TANGO6: variants seen among roughly 807,000 people sequenced by gnomAD.
TANGO6 encodes transport and golgi organization 6 homolog, also known as transport and Golgi organization protein 6 homolog.
TANGO6 carries 90 observed loss-of-function variants against 114.2 expected under a neutral mutation model. The observed-to-expected ratio is 0.79, with a 90% CI of 0.66 to 0.94. The LOEUF (loss-of-function observed/expected upper bound fraction) is 0.94, where lower values mean the gene tolerates loss of function less well. Ranked by LOEUF, TANGO6 falls within the 40% of genes least tolerant of loss-of-function variation. TANGO6 has a pLI of 0.00. For missense variants in TANGO6, 1,274 were observed against 1,315.3 expected, an observed-to-expected ratio of 0.97 and a Z score of 0.49; for synonymous variants, 477 against 509.8, an observed-to-expected ratio of 0.94 and a Z score of 0.87.
intron 12 of TANGO6, among the ~76,000 whole-genome samples, chr16:68,925,261 G>C (rs1206972874): frequency 6.6e-6 from 1 of 152,164 alleles, no homozygotes; most frequent in African/African-American, 2.4e-5. Flanking sequence ...AGTGAGCCAA[G>C]ATTGTGCCAT....
At chr16:69,022,790 T>G in intron 15 of TANGO6, 38 bp from the exon 16 acceptor site, 1 of 1,542,074 alleles carries the variant, frequency 6.5e-7, no homozygotes, top group East Asian at 2.4e-5. Flanking sequence ...GTTGAAATTT[T>G]GTTTTAAGGG....
At chr16:68,935,807 T>G (rs1963293962) in intron 14 of TANGO6, among the ~76,000 whole-genome samples, 1 of 152,180 alleles carries the variant, frequency 6.6e-6, no homozygotes, top group African/African-American at 2.4e-5. Context: ...ATTCTCAATG[T>G]TTTTAAAAAA....
intron 14 of TANGO6, among the ~76,000 whole-genome samples, chr16:68,942,948 G>A (rs562303986): frequency 6.8e-6 from 1 of 146,328 alleles, no homozygotes; most frequent in South Asian, 2.2e-4. Context: ...CACCCAGGCT[G>A]AAGTGCAGTG....
chr16:68,954,644 G>A (rs1234513019), intron 14 of TANGO6, among the ~76,000 whole-genome samples: 1 of 152,190 alleles, frequency 6.6e-6, no homozygotes, highest in Non-Finnish European at 1.5e-5. Flanking sequence ...GGAGAATTCA[G>A]TCTCTCCTTA....
intron 15 of TANGO6, among the ~76,000 whole-genome samples, chr16:68,977,705 A>T (rs952222974): frequency 1.3e-5 from 2 of 151,154 alleles, no homozygotes; most frequent in African/African-American, 4.9e-5. Context: ...TCCGTCTCAA[A>T]AAAAAAAAGA....
chr16:69,065,667 C>T (rs1176120768), intron 17 of TANGO6, among the ~76,000 whole-genome samples: 2 of 152,104 alleles, frequency 1.3e-5, no homozygotes, highest in African/African-American at 4.8e-5. Context: ...AATAATAATG[C>T]CACTGTGAAC....
At chr16:68,977,780 G>A (rs1170315389) in intron 15 of TANGO6, among the ~76,000 whole-genome samples, 1 of 150,730 alleles carries the variant, frequency 6.6e-6, no homozygotes, top group Non-Finnish European at 1.5e-5. Flanking sequence ...CTGCCTCCTG[G>A]GTTCAAGCGA....
At chr16:69,052,420 C>A (rs191708910) in intron 17 of TANGO6, among the ~76,000 whole-genome samples, 1 of 151,898 alleles carries the variant, frequency 6.6e-6, no homozygotes, top group Non-Finnish European at 1.5e-5. Flanking sequence ...AAGCACACAC[C>A]ACCACACCCA....
chr16:69,070,112 GCAGGAGAATCACTTGAACCC>G (rs1042899632), intron 17 of TANGO6, among the ~76,000 whole-genome samples: 10 of 151,796 alleles, frequency 6.6e-5, no homozygotes, highest in Non-Finnish European at 4.4e-5. Flanking sequence ...GGAGGCTGAG[GCAGGAGAATCACTTGAACCC>G]AGGAAGCGGA....
At chr16:69,018,379 A>G (rs1959341351) in intron 15 of TANGO6, among the ~76,000 whole-genome samples, 1 of 148,034 alleles carries the variant, frequency 6.8e-6, no homozygotes, top group Non-Finnish European at 1.5e-5. Context: ...CAATCTCCTG[A>G]CCTCGTGATC....
At chr16:68,849,180 C>T (rs1290469143) in intron 1 of TANGO6, among the ~76,000 whole-genome samples, 1 of 152,082 alleles carries the variant, frequency 6.6e-6, no homozygotes, top group African/African-American at 2.4e-5. Context: ...ACTAAAAATA[C>T]AAAAATTAGC....
intron 1 of TANGO6, among the ~76,000 whole-genome samples, chr16:68,849,859 T>G (rs1961873725): frequency 6.6e-6 from 1 of 152,258 alleles, no homozygotes; most frequent in Middle Eastern, 3.4e-3. Flanking sequence ...TTTGAAATTA[T>G]GAAGCTGACA....
At chr16:69,070,692 A>G (rs1165772835) in intron 17 of TANGO6, among the ~76,000 whole-genome samples, 2 of 149,390 alleles carry the variant, frequency 1.3e-5, no homozygotes, top group Non-Finnish European at 3.0e-5. Flanking sequence ...GCTCTGCTAC[A>G]AGGGTTTGTG....
chr16:69,045,039 A>T (rs1959829512), intron 17 of TANGO6, among the ~76,000 whole-genome samples: 1 of 151,802 alleles, frequency 6.6e-6, no homozygotes, highest in Non-Finnish European at 1.5e-5. Context: ...GCACACTTGT[A>T]ATCCCAGTTC....
chr16:69,025,401 C>T (rs1959483868), intron 16 of TANGO6, among the ~76,000 whole-genome samples: 1 of 152,194 alleles, frequency 6.6e-6, no homozygotes, highest in Admixed American at 6.5e-5. Context: ...AACCCATTTC[C>T]CCCTCTACTG....
Position 69,083,855 on chromosome 16 carries a change from C to T in TANGO6, c.*194C>T. 1.8e-6 allele frequency: 1 copy of T among 571,176 alleles called. No individual in the cohort carries two copies. Among genetic ancestry groups the T allele is most frequent in the East Asian group, 2.9e-5 (1 of 34,514 alleles). The allele number at this position is 571,176 out of a possible 1,614,324, so 35.4% of individuals were successfully genotyped here. On this transcript the variant is annotated 3_prime_UTR_variant, in exon 18 of 18. Coordinates refer to ENST00000261778, the MANE Select transcript of TANGO6 (RefSeq NM_024562.2). ...ATGTGTTCAGCACTCCCGCGTTCAG[C>T]CTGAGGGGTGTACAGTTAAGAGAAG...
intron 7 of TANGO6, among the ~76,000 whole-genome samples, chr16:68,894,551 G>A (rs1000157392): frequency 2.0e-5 from 3 of 152,008 alleles, no homozygotes. Flanking sequence ...GAGCTTGCAG[G>A]ACTAGGGTTA....
chr16:69,019,633 T>G (rs1369897438), intron 15 of TANGO6, among the ~76,000 whole-genome samples: 1 of 151,124 alleles, frequency 6.6e-6, no homozygotes, highest in Non-Finnish European at 1.5e-5. Context: ...CACACAGTTC[T>G]ATAATTGTCA....
intron 14 of TANGO6, among the ~76,000 whole-genome samples, chr16:68,945,470 G>A (rs755565491): frequency 1.2e-4 from 18 of 152,192 alleles, no homozygotes; most frequent in Admixed American, 2.6e-4. Context: ...TGTGCACTGC[G>A]TGCTTTGTTT....
Sources: gnomAD v4.1 joint callset for allele counts (sites outside exome capture counted in the v4.1 genomes callset) on GRCh38, gnomAD v4.1.1 for gene constraint, MANE v1.5 for transcripts, NCBI Gene and HGNC (gene_info 2026-07-23, HGNC 2026-07-21) for gene names.